The following GUCY1A2 variants were observed in gnomAD, a reference collection of about 807,000 sequenced individuals.
GUCY1A2 encodes the protein guanylate cyclase soluble subunit alpha-2.
In GUCY1A2, 27 loss-of-function variants were observed where a neutral mutation model predicts 63.5. The observed-to-expected ratio is 0.43, with a 90% confidence interval of 0.31 to 0.59. The LOEUF (loss-of-function observed/expected upper bound fraction) is 0.59, where lower values mean the gene tolerates loss of function less well. Ranked by LOEUF, GUCY1A2 falls within the 20% of genes least tolerant of loss-of-function variation. The probability of loss-of-function intolerance (pLI) is 0.11; values close to 1 mark genes in which losing one functional copy is unlikely to be tolerated. For missense variants in GUCY1A2, 768 were observed against 913.3 expected, an observed-to-expected ratio of 0.84 and a Z score of 2.05; for synonymous variants, 364 against 343.5, an observed-to-expected ratio of 1.06 and a Z score of -0.66.
intron 3 of GUCY1A2, among the ~76,000 whole-genome samples, chr11:106,965,975 G>C (rs1237303670): frequency 1.3e-5 from 2 of 151,356 alleles, no homozygotes; most frequent in Non-Finnish European, 2.9e-5. Context: ...AGAAATATCA[G>C]TGAAACAGCA....
chr11:106,887,091 T>C lies in GUCY1A2; in HGVS notation c.1206+52369A>G, dbSNP rs113994656. On this transcript the variant is annotated intron_variant, in intron 4 of 7. Transcript: ENST00000526355. Reference sequence around the variant, plus strand: ...CTTATCTCCTCTGAGTGTCTTTCCATGACACTCTTCCACATGCATCTGCTT... The same window carrying C: ...CTTATCTCCTCTGAGTGTCTTTCCACGACACTCTTCCACATGCATCTGCTT... Among the ~76,000 whole-genome samples the C allele has an allele frequency of 1.9e-3, 285 of 152,220 alleles. 2 individuals are homozygous for C. Among genetic ancestry groups the C allele is most frequent in the African/African-American group, 6.6e-3 (273 of 41,548 alleles).
intron 4 of GUCY1A2, among the ~76,000 whole-genome samples, chr11:106,869,195 C>G (rs10431056): frequency 6.6e-6 from 1 of 151,858 alleles, no homozygotes; most frequent in South Asian, 2.1e-4. Flanking sequence ...GACATAGGCA[C>G]GGGCAAGGAC....
Position 106,802,237 on chromosome 11 carries a change from C to T in GUCY1A2, c.1692+7756G>A, listed in dbSNP as rs935027041. The stretch of plus-strand genomic sequence containing the variant: ...AAATGAATTTCCATTTTAGTAAACT[C>T]ACCCTATGTATAAACTAAAGGCAAG... On this transcript the variant is annotated intron_variant, in intron 5 of 7. Transcript: ENST00000526355. 4.6e-5 allele frequency among the ~76,000 whole-genome samples: 7 copies of T among 152,266 alleles called. No individual in the cohort carries two copies. The East Asian group carries it at 1.4e-3, about 29-fold the overall frequency.
chr11:106,737,036 T>C (rs1419567561), intron 6 of GUCY1A2, among the ~76,000 whole-genome samples: 1 of 152,200 alleles, frequency 6.6e-6, no homozygotes, highest in Non-Finnish European at 1.5e-5. Context: ...CCACTGACTT[T>C]ACTAACATTG....
intron 4 of GUCY1A2, chr11:106,824,026 G>T: frequency 1.5e-6 from 2 of 1,350,228 alleles, no homozygotes; most frequent in South Asian, 2.8e-5. Flanking sequence ...TCCTTCAAAA[G>T]CTTTCTTATT....
chr11:106,938,911 CTATT>C (rs1392080645), intron 4 of GUCY1A2, among the ~76,000 whole-genome samples: 1 of 152,160 alleles, frequency 6.6e-6, no homozygotes, highest in Non-Finnish European at 1.5e-5. Context: ...CAATGAATCT[CTATT>C]TTAATACTAA....
At chr11:106,880,116 G>A (rs893337112) in intron 4 of GUCY1A2, among the ~76,000 whole-genome samples, 3 of 151,960 alleles carry the variant, frequency 2.0e-5, no homozygotes, top group African/African-American at 7.2e-5. Context: ...GACCCTGTAT[G>A]GCAGATGCAC....
chr11:106,760,685 G>C (rs1864051135), intron 6 of GUCY1A2, among the ~76,000 whole-genome samples: 1 of 152,106 alleles, frequency 6.6e-6, no homozygotes, highest in South Asian at 2.1e-4. Flanking sequence ...AATATGTTCT[G>C]AGAGATAATA....
chr11:106,990,049 G>C (rs932257287), intron 1 of GUCY1A2, among the ~76,000 whole-genome samples: 2 of 152,158 alleles, frequency 1.3e-5, no homozygotes, highest in Admixed American at 6.5e-5. Flanking sequence ...AAAATCTACT[G>C]TTCCTACTAT....
chr11:106,895,856 A>G lies in GUCY1A2; in HGVS notation c.1206+43604T>C, dbSNP rs118046918. ...ACATAAATGCAAAAATTATTAACAA[A>G]ATAGATTCACAAATCAAGCCGGGTA... On this transcript the variant is annotated intron_variant, in intron 4 of 7. Transcript: ENST00000526355. Among the ~76,000 whole-genome samples the G allele has an allele frequency of 4.1e-4, 62 of 152,074 alleles. No individual in the cohort carries two copies. In the East Asian group the frequency reaches 0.012, roughly 29 times the overall value.
At chr11:106,941,970 C>T (rs777286054) in intron 3 of GUCY1A2, among the ~76,000 whole-genome samples, 1 of 152,184 alleles carries the variant, frequency 6.6e-6, no homozygotes, top group Non-Finnish European at 1.5e-5. Context: ...ACTCATGTCA[C>T]ATTGCCAGGT....
At chr11:106,976,428 T>A (rs1173525010) in intron 3 of GUCY1A2, among the ~76,000 whole-genome samples, 2 of 152,012 alleles carry the variant, frequency 1.3e-5, no homozygotes, top group African/African-American at 4.8e-5. Flanking sequence ...AACACAACTT[T>A]AAAAAAAGAT....
chr11:106,883,934 G>A (rs55678916), intron 4 of GUCY1A2, among the ~76,000 whole-genome samples: 34,497 of 151,884 alleles, frequency 0.23, 4,018 homozygotes, highest in African/African-American at 0.29. Flanking sequence ...GCAAACTATC[G>A]CAAGGACAGA....
intron 4 of GUCY1A2, among the ~76,000 whole-genome samples, chr11:106,824,439 T>G (rs1156873699): frequency 6.6e-6 from 1 of 152,120 alleles, no homozygotes; most frequent in African/African-American, 2.4e-5. Context: ...ATATCTAATT[T>G]TGTTATGCAC....
chr11:106,709,145 AT>A (rs1862976749), intron 6 of GUCY1A2, among the ~76,000 whole-genome samples: 1 of 134,910 alleles, frequency 7.4e-6, no homozygotes, highest in African/African-American at 2.8e-5. Context: ...AGTTATATAT[AT>A]TATATACATG....
chr11:106,906,236 C>T (rs1211793153), intron 4 of GUCY1A2, among the ~76,000 whole-genome samples: 1 of 152,106 alleles, frequency 6.6e-6, no homozygotes, highest in Non-Finnish European at 1.5e-5. Context: ...AGAACTTCAA[C>T]AAATTTACAA....
At chr11:106,788,320 T>C (rs745643459) in intron 5 of GUCY1A2, among the ~76,000 whole-genome samples, 4 of 152,166 alleles carry the variant, frequency 2.6e-5, no homozygotes, top group Non-Finnish European at 5.9e-5. Context: ...TGCAAATATT[T>C]TCTCCCATTC....
rs148148582 is a variant in GUCY1A2 at position 106,746,015 on chromosome 11, C to T, written c.1836+30424G>A. Among the ~76,000 whole-genome samples, 679 of 152,218 alleles carry T rather than the reference C, an allele frequency of 4.5e-3. 5 individuals are homozygous for T. The highest frequency in any genetic ancestry group is 7.1e-3 in the Admixed American group (108 of 15,298). ...AATGGCGAATTTCCATCTTTAGCCC[C>T]ACTACCAGGACAAAAAAACTGGGGC... On this transcript the variant is annotated intron_variant, in intron 6 of 7. Coordinates refer to ENST00000526355, the MANE Select transcript of GUCY1A2 (RefSeq NM_000855.3).
At chr11:106,959,467 T>C (rs554555275) in intron 3 of GUCY1A2, among the ~76,000 whole-genome samples, 2 of 152,228 alleles carry the variant, frequency 1.3e-5, no homozygotes, top group South Asian at 4.1e-4. Flanking sequence ...AAACACTTTA[T>C]GTATAAAGTT....
Sources: gnomAD v4.1 joint callset for allele counts (sites outside exome capture counted in the v4.1 genomes callset) on GRCh38, gnomAD v4.1.1 for gene constraint, MANE v1.5 for transcripts, NCBI Gene and HGNC (gene_info 2026-07-23, HGNC 2026-07-21) for gene names.